Variants in NOSIP observed in about 807,000 individuals in gnomAD.
NOSIP encodes the protein nitric oxide synthase-interacting protein.
Under a neutral mutation model 36.4 loss-of-function variants are expected in NOSIP, and 25 were observed. The ratio of observed to expected loss-of-function variants is 0.69; its 90% confidence interval spans 0.50 to 0.96. The LOEUF is 0.96. Among genes scored for constraint, NOSIP ranks in the 40% least tolerant of loss-of-function variants. The pLI, the probability that NOSIP is intolerant of heterozygous loss-of-function variation, is 0.00. For synonymous variants in NOSIP, 187 were observed against 179.2 expected (o/e 1.04, Z -0.35); for missense variants, 370 against 429.0 (o/e 0.86, Z 1.21).
At chr19:49,567,455 C>T (rs571032834) in intron 1 of NOSIP, among the ~76,000 whole-genome samples, 1 of 152,176 alleles carries the variant, frequency 6.6e-6, no homozygotes, top group South Asian at 2.1e-4. Flanking sequence ...ACTAGTTGCT[C>T]TCCATACAGA....
chr19:49,575,307 T>TTATA (rs2080537789), intron 1 of NOSIP, among the ~76,000 whole-genome samples: 1 of 152,190 alleles, frequency 6.6e-6, no homozygotes, highest in African/African-American at 2.4e-5. Context: ...CCTCCTCCTA[T>TTATA]TATAAGGACA....
rs1301418326 is a variant in NOSIP at position 49,560,986 on chromosome 19, G to A, written c.-1-294C>T. ...AGTTCAAATTCTAGCCACTACTTCA[G>A]ATTAGCTAGGGTGGTGGCTGTGCCA... is the stretch of plus-strand genomic sequence containing the variant. On this transcript the variant is annotated intron_variant, in intron 1 of 8. Transcript: ENST00000596358. The surrounding 1 kb of genome is among the most constrained non-coding windows in gnomAD (Gnocchi z 4.6). Among the ~76,000 whole-genome samples the A allele has an allele frequency of 6.6e-6, 1 of 152,142 alleles. No homozygotes were observed. The highest frequency in any genetic ancestry group is 2.1e-4 in the South Asian group (1 of 4,830).
Position 49,556,404 on chromosome 19 carries a change from T to C in NOSIP, c.747A>G (p.Glu249=). Residue 249 remains glutamate, a synonymous_variant, in exon 8 of 9, where the codon GAA becomes GAG. Transcript: ENST00000596358. ...CCTTCCGAATCAGCTTCTCCACGCA[T>C]TCGAGGGTGACCACAGCCCCACTAC... ...LRPSGAVVTL[E]CVEKLIRKDM... is the part of the protein sequence containing the mutation. 6.2e-7 allele frequency: 1 copy of C among 1,613,708 alleles called. No individual in the cohort carries two copies. The highest frequency in any genetic ancestry group is 8.5e-7 in the Non-Finnish European group (1 of 1,179,872).
rs576953499 is a variant in NOSIP at position 49,567,289 on chromosome 19, T to C, written c.-1-6597A>G. 9.2e-5 allele frequency among the ~76,000 whole-genome samples: 14 copies of C among 151,626 alleles called. No homozygotes were observed. In the South Asian group the frequency reaches 2.7e-3, roughly 29 times the overall value. ...AGGCACCCGCCACCACACCGTATAA[T>C]TTTTTGTATTTTTAGTGGAAACGGG... On this transcript the variant is annotated intron_variant, in intron 1 of 8. Transcript: ENST00000596358.
chr19:49,580,379 C>G (rs1044955317), intron 1 of NOSIP, 136 bp downstream of exon 1: 1 of 151,964 alleles, frequency 6.6e-6, no homozygotes, highest in Non-Finnish European at 1.5e-5. Flanking sequence ...TTGGGGCGCC[C>G]GGACAGCTGT....
intron 1 of NOSIP, among the ~76,000 whole-genome samples, chr19:49,576,884 C>CAAAAA (rs58441193): frequency 2.1e-5 from 1 of 47,388 alleles, no homozygotes; most frequent in Non-Finnish European, 5.1e-5. Context: ...AACTCTGTCT[C>CAAAAA]AAAAAAAAAA....
chr19:49,555,872 C>A, intron 8 of NOSIP, 50 bp from the exon 9 acceptor site: 1 of 1,376,652 alleles, frequency 7.3e-7, no homozygotes. Context: ...CGGGGGTGAC[C>A]AGTGGGGCTC....
In NOSIP at chr19:49,555,628, G is replaced by T; in HGVS notation, c.*123C>A. 1 of 754,584 alleles carries T rather than the reference G, an allele frequency of 1.3e-6. No homozygotes were observed. Among genetic ancestry groups the T allele is most frequent in the Non-Finnish European group, 2.3e-6 (1 of 437,400 alleles). The allele number at this position is 754,584 out of a possible 1,614,324, so 46.7% of individuals were successfully genotyped here. ...GCTCTTTCAAACTCCAGCGTGCGCT[G>T]TAGGAGCACTGTTTGCACGGCCCTG... On this transcript the variant is annotated 3_prime_UTR_variant, in exon 9 of 9. Coordinates refer to ENST00000596358, the MANE Select transcript of NOSIP (RefSeq NM_001270960.2).
chr19:49,571,580 C>T (rs1405609366), intron 1 of NOSIP, among the ~76,000 whole-genome samples: 2 of 152,138 alleles, frequency 1.3e-5, no homozygotes, highest in Non-Finnish European at 2.9e-5. Flanking sequence ...CAGCATGTCC[C>T]AGCTGGGAAA....
chr19:49,566,317 G>A (rs908264165), intron 1 of NOSIP, among the ~76,000 whole-genome samples: 2 of 152,026 alleles, frequency 1.3e-5, no homozygotes, highest in Non-Finnish European at 2.9e-5. Flanking sequence ...ACTGCGCCCG[G>A]CCTTTTCTTT....
chr19:49,557,119 G>A lies in NOSIP; in HGVS notation c.389C>T (p.Thr130Ile), dbSNP rs747954571. ...AIVSRPLNPF[T>I]AKALSGTSPD... is the part of the protein sequence containing the mutation. ...GCTGGTGCCCGAGAGGGCCTTGGCTGTGAAAGGGTTGAGGGGCCGGCTCAC... is the reference window on the plus strand; with the variant it reads ...GCTGGTGCCCGAGAGGGCCTTGGCTATGAAAGGGTTGAGGGGCCGGCTCAC... Residue 130 changes from threonine to isoleucine, a missense_variant, in exon 5 of 9, where the codon ACA (threonine) becomes ATA (isoleucine). Physicochemically the swap from Thr to Ile is moderately conservative, Grantham distance 89. This residue lies in a region of NOSIP where 315 missense variants were observed against 331.9 expected (regional missense o/e 0.95). Transcript: ENST00000596358. 1.9e-6 allele frequency: 3 copies of A among 1,613,078 alleles called. No homozygotes were observed. Among genetic ancestry groups the A allele is most frequent in the Admixed American group, 3.3e-5 (2 of 59,908 alleles).
chr19:49,558,608 G>A (rs750826206), intron 4 of NOSIP: 4 of 363,280 alleles, frequency 1.1e-5, no homozygotes, highest in Admixed American at 3.9e-5. Flanking sequence ...GGGAAAACTC[G>A]AAGTCCATAA....
chr19:49,575,622 A>G (rs995256394), intron 1 of NOSIP, among the ~76,000 whole-genome samples: 6 of 152,150 alleles, frequency 3.9e-5, no homozygotes. Flanking sequence ...GGGAATAACA[A>G]AAAAGGGCCA....
At chr19:49,571,070 G>A (rs1480234014) in intron 1 of NOSIP, among the ~76,000 whole-genome samples, 1 of 151,290 alleles carries the variant, frequency 6.6e-6, no homozygotes, top group Non-Finnish European at 1.5e-5. Context: ...TCCACCTCCT[G>A]GGTTCAAGCA....
intron 8 of NOSIP, 45 bp downstream of exon 8, chr19:49,556,272 C>T: frequency 1.8e-6 from 2 of 1,113,118 alleles, no homozygotes; most frequent in Non-Finnish European, 1.2e-6. Flanking sequence ...AGGGGAGGGG[C>T]GGGGCCTTGG....
intron 1 of NOSIP, among the ~76,000 whole-genome samples, chr19:49,572,091 G>A (rs1484373429): frequency 1.3e-5 from 2 of 150,056 alleles, no homozygotes; most frequent in African/African-American, 4.9e-5. Context: ...TAATTCAGAT[G>A]CTAAATTTTC....
At chr19:49,566,083 A>G (rs1284364744) in intron 1 of NOSIP, among the ~76,000 whole-genome samples, 1 of 150,754 alleles carries the variant, frequency 6.6e-6, no homozygotes, top group East Asian at 2.0e-4. Context: ...GCAGTGGCGC[A>G]ATCTCGGCTC....
Position 49,556,737 on chromosome 19 carries a change from C to A in NOSIP, c.538-1G>T, listed in dbSNP as rs1380442764. ...ACATGGGGCAGGTCACCGTGCGGGACTGCAAGGGGCAGAGAGAGGCGGGCT... is the reference window on the plus strand; with the variant it reads ...ACATGGGGCAGGTCACCGTGCGGGAATGCAAGGGGCAGAGAGAGGCGGGCT... On this transcript the variant is annotated splice_acceptor_variant, in intron 6 of 8. Transcript: ENST00000596358. LOFTEE classifies it high-confidence loss of function. 3 of 1,605,152 alleles carry A rather than the reference C, an allele frequency of 1.9e-6. No individual in the cohort carries two copies. The East Asian group carries it at 6.7e-5, about 36-fold the overall frequency.
intron 1 of NOSIP, among the ~76,000 whole-genome samples, chr19:49,570,913 T>C (rs2080475335): frequency 6.6e-6 from 1 of 152,102 alleles, no homozygotes; most frequent in Non-Finnish European, 1.5e-5. Context: ...TCTACATAGA[T>C]GGGGACATTT....
Sources: allele counts gnomAD v4.1 joint callset (sites outside exome capture counted in the v4.1 genomes callset), GRCh38; gene constraint gnomAD v4.1.1; regional missense constraint gnomAD v4.1.1; non-coding constraint Gnocchi (gnomAD v3.1); transcripts MANE v1.5; gene names NCBI Gene and HGNC (gene_info 2026-07-23, HGNC 2026-07-21).